RNASEH1: variants seen among roughly 807,000 people sequenced by gnomAD.
RNASEH1 encodes ribonuclease H1.
Under a neutral mutation model 34.6 loss-of-function variants are expected in RNASEH1, and 27 were observed. The ratio of observed to expected loss-of-function variants is 0.78; its 90% CI spans 0.58 to 1.08. The LOEUF (loss-of-function observed/expected upper bound fraction) is 1.08, where lower values mean the gene tolerates loss of function less well. RNASEH1 is among the 50% of genes least tolerant of loss of function. The pLI is 0.00. For synonymous variants in RNASEH1, 162 were observed against 138.4 expected (o/e 1.17, Z -1.20); for missense variants, 349 against 373.6 (o/e 0.93, Z 0.54).
chr2:3,552,404 A>G, intron 2 of RNASEH1, 96 bp from the exon 3 acceptor site: 1 of 1,253,366 alleles, frequency 8.0e-7, no homozygotes, highest in Non-Finnish European at 1.1e-6. Flanking sequence ...AGTATCATTA[A>G]ATCAGACTTA....
In RNASEH1 at chr2:3,542,327, A is replaced by G. The variant is rs1668371581; in HGVS notation, c.*3458T>C. On this transcript the variant is annotated 3_prime_UTR_variant, in exon 8 of 8. Coordinates refer to ENST00000315212, the MANE Select transcript of RNASEH1 (RefSeq NM_002936.6). ...GCCGACTTGACAGAAAAAGGAAAAA[A>G]TCCTTTGGGCATCTAAGGAAAAACA... Among the ~76,000 whole-genome samples the G allele has an allele frequency of 6.6e-6, 1 of 152,234 alleles. No individual in the cohort carries two copies. The highest frequency in any genetic ancestry group is 1.5e-5 in the Non-Finnish European group (1 of 68,042).
rs1457706516 is a variant in RNASEH1 at position 3,547,967 on chromosome 2, T to A, written c.738A>T (p.Ala246=). 6.2e-7 allele frequency: 1 copy of A among 1,613,940 alleles called. No homozygotes were observed. The highest frequency in any genetic ancestry group is 1.7e-5 in the Admixed American group (1 of 60,024). The change falls in exon 7 of 8, where the codon GCA becomes GCT. Residue 246 remains alanine, a synonymous_variant. Transcript: ENST00000315212. ...KEVINKEDFV[A]LERLTQGMDI... ...CCATCCCCTGGGTAAGCCTCTCCAG[T>A]GCCACAAAGTCCTCTTTGTTGATCA...
intron 2 of RNASEH1, among the ~76,000 whole-genome samples, chr2:3,553,501 T>G (rs1660191081): frequency 6.6e-6 from 1 of 151,876 alleles, no homozygotes; most frequent in East Asian, 2.0e-4. Context: ...AGCAGTTCTC[T>G]GCCACAGCCT....
Position 3,553,639 on chromosome 2 carries a change from C to T in RNASEH1, c.245-1331G>A, listed in dbSNP as rs1476426029. ...AACTCCTGACCTTGTGATCCACTGC[C>T]CTGACCTCCCACAGTGCTGGGATTA... On this transcript the variant is annotated intron_variant, in intron 2 of 7. Transcript: ENST00000315212. 4.6e-5 allele frequency among the ~76,000 whole-genome samples: 7 copies of T among 152,272 alleles called. No individual in the cohort carries two copies. The East Asian group carries it at 1.4e-3, about 29-fold the overall frequency.
At chr2:3,549,399 C>T (rs944583578) in intron 4 of RNASEH1, among the ~76,000 whole-genome samples, 4 of 152,086 alleles carry the variant, frequency 2.6e-5, no homozygotes, top group Non-Finnish European at 4.4e-5. Context: ...GGAGAAAACT[C>T]GGGAAGAAGA....
intron 7 of RNASEH1, among the ~76,000 whole-genome samples, chr2:3,547,255 G>A (rs887625516): frequency 2.0e-5 from 3 of 152,170 alleles, no homozygotes; most frequent in Admixed American, 6.5e-5. Flanking sequence ...TTGGCTCACT[G>A]CAACCTCGAC....
intron 2 of RNASEH1, 107 bp downstream of exon 2, chr2:3,556,682 C>G (rs745601040): frequency 2.9e-6 from 2 of 683,372 alleles, no homozygotes; most frequent in South Asian, 1.8e-5. Context: ...AACAATCACA[C>G]GAGGTTCCCT....
intron 3 of RNASEH1, among the ~76,000 whole-genome samples, chr2:3,551,084 G>A (rs546071624): frequency 6.6e-6 from 1 of 152,258 alleles, no homozygotes; most frequent in African/African-American, 2.4e-5. Flanking sequence ...GGTGGGATCA[G>A]AGGTCAGGTT....
In RNASEH1 at chr2:3,558,063, G is replaced by A. The variant is rs2147798990; in HGVS notation, c.128+70C>T. The A allele has an allele frequency of 4.0e-6, 6 of 1,502,980 alleles. No homozygotes were observed. The South Asian group carries it at 7.9e-5, about 20-fold the overall frequency. 93.1% of individuals were successfully genotyped at this position (1,502,980 alleles called of 1,614,324 possible). A position where few individuals can be genotyped will look rare whatever the true frequency, so the allele number is the denominator to read the frequency against. ...GGACCGCCAGGCTCCCGCCGCCGGGGTTAGCCGGGCTCCGGCCTCCCTCGA... is the reference window on the plus strand; with the variant it reads ...GGACCGCCAGGCTCCCGCCGCCGGGATTAGCCGGGCTCCGGCCTCCCTCGA... On this transcript the variant is annotated intron_variant, in intron 1 of 7. Coordinates refer to ENST00000315212, the MANE Select transcript of RNASEH1 (RefSeq NM_002936.6).
At position 3,548,654 on chromosome 2, in the gene RNASEH1, A is replaced by T. The variant is rs931086003; in HGVS notation, c.635T>A (p.Met212Lys). The T allele has an allele frequency of 1.3e-6, 2 of 1,596,022 alleles. No homozygotes were observed. The highest frequency in any genetic ancestry group is 2.7e-5 in the African/African-American group (2 of 74,580). ...INKLVLYTDS[M>K]FTINGITNWV... ...TGAAAGCTTACCATTTATCGTAAAC[A>T]TACTGTCTGTATACAGAACCAGTTT... The change falls in exon 6 of 8, where the codon ATG becomes AAG. Residue 212 changes from methionine (M) to lysine (K), a missense_variant. By Grantham distance (95) the Met-to-Lys change is moderately conservative. This residue lies in a region of RNASEH1 where 93 missense variants were observed against 132.9 expected (regional missense o/e 0.70). Transcript: ENST00000315212.
Position 3,543,482 on chromosome 2 carries a change from G to A in RNASEH1, c.*2303C>T, listed in dbSNP as rs958358986. ...TCTGTGCACACATGTATGCACACAT[G>A]TGCACACTTATCAAAAGAAAGCAAG... On this transcript the variant is annotated 3_prime_UTR_variant, in exon 8 of 8. Transcript: ENST00000315212. 3.3e-5 allele frequency among the ~76,000 whole-genome samples: 5 copies of A among 151,946 alleles called. No individual in the cohort carries two copies. Among genetic ancestry groups the A allele is most frequent in the African/African-American group, 7.3e-5 (3 of 41,278 alleles).
At chr2:3,536,314 C>G in the RNASEH1 span, among the ~76,000 whole-genome samples, 8 of 152,202 alleles carry the variant, frequency 5.3e-5, no homozygotes, top group Admixed American at 5.2e-4. Flanking sequence ...AGTTTCCTCC[C>G]TGTAAAATAA....
downstream of RNASEH1, among the ~76,000 whole-genome samples, chr2:3,539,202 T>G (rs1200489174): frequency 6.6e-6 from 1 of 152,206 alleles, no homozygotes; most frequent in Non-Finnish European, 1.5e-5. Flanking sequence ...AAATCCTAGG[T>G]TAAAGACCCT....
In RNASEH1 at chr2:3,545,209, A is replaced by G. The variant is rs1309547452; in HGVS notation, c.*576T>C. The G allele has an allele frequency of 1.3e-5, 2 of 152,018 alleles. No homozygotes were observed. The highest frequency in any genetic ancestry group is 4.9e-5 in the African/African-American group (2 of 41,236). 9.4% of individuals were successfully genotyped at this position (152,018 alleles called of 1,614,324 possible). A position where few individuals can be genotyped will look rare whatever the true frequency, so the allele number is the denominator to read the frequency against. ...GTTCCTAGAGAATGGCCTAGCAGCC[A>G]GGGTCGCCGCAGGCAGGCTTTGCCC... On this transcript the variant is annotated 3_prime_UTR_variant, in exon 8 of 8. Coordinates refer to ENST00000315212, the MANE Select transcript of RNASEH1 (RefSeq NM_002936.6).
chr2:3,536,354 G>A, the RNASEH1 span, among the ~76,000 whole-genome samples: 2 of 152,032 alleles, frequency 1.3e-5, no homozygotes, highest in Admixed American at 6.6e-5. Flanking sequence ...AGACCTTCCC[G>A]GACCAAGCTT....
Position 3,544,613 on chromosome 2 carries a change from T to C in RNASEH1, c.*1172A>G, listed in dbSNP as rs1452387929. 6.6e-6 allele frequency among the ~76,000 whole-genome samples: 1 copy of C among 152,052 alleles called. No homozygotes were observed. The highest frequency in any genetic ancestry group is 1.5e-5 in the Non-Finnish European group (1 of 68,010). The stretch of plus-strand genomic sequence containing the variant: ...GGGCACTTGGGAGAGCCTCCTGGGG[T>C]ATCTGGCAAAGTACTATTTCTTCAC... On this transcript the variant is annotated 3_prime_UTR_variant, in exon 8 of 8. Transcript: ENST00000315212.
downstream of RNASEH1, among the ~76,000 whole-genome samples, chr2:3,539,133 T>TG (rs1668154642): frequency 1.3e-5 from 2 of 152,220 alleles, no homozygotes; most frequent in African/African-American, 2.4e-5. Context: ...TGTTTTTGCT[T>TG]ATGGCTCTTC....
At chr2:3,557,647 A>T (rs983329252) in intron 1 of RNASEH1, 4 of 382,850 alleles carry the variant, frequency 1.0e-5, no homozygotes, top group African/African-American at 6.4e-5. Flanking sequence ...CAAGAACTAT[A>T]CCTGAAAGTG....
intron 1 of RNASEH1, 170 bp downstream of exon 1, chr2:3,557,963 T>C: frequency 6.7e-7 from 1 of 1,501,282 alleles, no homozygotes; most frequent in Non-Finnish European, 8.9e-7. Context: ...ATGAGCCTCC[T>C]GGAACCCCGC....
Sources: gnomAD v4.1 joint callset for allele counts (sites outside exome capture counted in the v4.1 genomes callset) on GRCh38, gnomAD v4.1.1 for gene constraint, gnomAD v4.1.1 regional missense constraint, MANE v1.5 for transcripts, NCBI Gene and HGNC (gene_info 2026-07-23, HGNC 2026-07-21) for gene names.